Variants in OPRK1 observed in about 807,000 individuals in gnomAD.
OPRK1 encodes opioid receptor kappa 1.
Under a neutral mutation model 24.5 loss-of-function variants are expected in OPRK1, and 15 were observed. That is an observed-to-expected ratio of 0.61 (90% CI 0.41 to 0.94). OPRK1 has a LOEUF of 0.94. OPRK1 is among the 40% of genes least tolerant of loss of function. OPRK1 has a pLI of 0.00. For synonymous variants in OPRK1, 205 were observed against 198.0 expected (o/e 1.04, Z -0.30); for missense variants, 479 against 507.3 (o/e 0.94, Z 0.54).
chr8:53,234,125 A>G (rs1806924443), intron 3 of OPRK1, among the ~76,000 whole-genome samples: 1 of 145,718 alleles, frequency 6.9e-6, no homozygotes, highest in Non-Finnish European at 1.5e-5. Context: ...CAGAGGTTGC[A>G]GTGAGCCGAT....
chr8:53,229,333 G>GTAAGCA lies in OPRK1; in HGVS notation c.1101_1106dup (p.Ala368_Tyr369dup). ...TATTCATCCCATCGATGTCCCTCAG[G>GTAAGCA]TAAGCAGGATCCTGAACTGTATTTC... On this transcript the variant is annotated inframe_insertion, in exon 4 of 4. Transcript: ENST00000265572. 1.2e-6 allele frequency: 2 copies of GTAAGCA among 1,614,140 alleles called. No individual in the cohort carries two copies. Among genetic ancestry groups the GTAAGCA allele is most frequent in the Non-Finnish European group, 1.7e-6 (2 of 1,180,012 alleles).
chr8:53,234,534 G>T (rs934854676), intron 3 of OPRK1, among the ~76,000 whole-genome samples: 1 of 152,144 alleles, frequency 6.6e-6, no homozygotes, highest in African/African-American at 2.4e-5. Context: ...TGGGAGACAG[G>T]TCGGGCATCT....
chr8:53,229,251 ACTC>A lies in OPRK1; in HGVS notation c.*43_*45del, dbSNP rs1806790380. The A allele has an allele frequency of 1.3e-6, 2 of 1,568,948 alleles. No homozygotes were observed. Among genetic ancestry groups the A allele is most frequent in the Non-Finnish European group, 1.7e-6 (2 of 1,156,764 alleles). ...ATCTGAGTTAAACCTAGATCATTGA[ACTC>A]CTCTCTTCCCGAAGAACTGTACGAA... On this transcript the variant is annotated 3_prime_UTR_variant, in exon 4 of 4. Transcript: ENST00000265572.
intron 3 of OPRK1, among the ~76,000 whole-genome samples, chr8:53,232,711 G>T (rs959104098): frequency 6.6e-6 from 1 of 152,106 alleles, no homozygotes; most frequent in Non-Finnish European, 1.5e-5. Flanking sequence ...GGCTTCTGCT[G>T]GCTCCTGTTC....
intron 2 of OPRK1, among the ~76,000 whole-genome samples, chr8:53,243,662 T>G (rs1807166253): frequency 6.6e-6 from 1 of 152,228 alleles, no homozygotes; most frequent in Non-Finnish European, 1.5e-5. Context: ...GCAGTTGCAA[T>G]TCTCTCTTTC....
rs371712474 is a variant in OPRK1, at chr8:53,250,769, C to A, written c.257+12G>T. ...CGCCCAGCCCCCAGCGCTGCGCTGT[C>A]CCCGCGCTCACCGGATGATCACGAA... On this transcript the variant is annotated intron_variant, in intron 2 of 3. Transcript: ENST00000265572. 6.3e-7 allele frequency: 1 copy of A among 1,599,028 alleles called. No homozygotes were observed. The highest frequency in any genetic ancestry group is 8.5e-7 in the Non-Finnish European group (1 of 1,171,672).
chr8:53,245,845 T>C lies in OPRK1; in HGVS notation c.257+4936A>G, dbSNP rs1225828951. ...GCAAGGGAGACCATCCTATGTAATCTGAAAATGGGGCCTGATCCAATCAGT... is the reference window on the plus strand; with the variant it reads ...GCAAGGGAGACCATCCTATGTAATCCGAAAATGGGGCCTGATCCAATCAGT... On this transcript the variant is annotated intron_variant, in intron 2 of 3. Coordinates refer to ENST00000265572, the MANE Select transcript of OPRK1 (RefSeq NM_000912.5). Among the ~76,000 whole-genome samples the C allele has an allele frequency of 2.0e-5, 3 of 152,250 alleles. No homozygotes were observed. In the East Asian group the frequency reaches 5.8e-4, roughly 29 times the overall value.
chr8:53,239,108 G>T (rs1313665904), intron 2 of OPRK1, among the ~76,000 whole-genome samples: 1 of 152,022 alleles, frequency 6.6e-6, no homozygotes, highest in South Asian at 2.1e-4. Flanking sequence ...GTTATTCTGG[G>T]TCTTCTCTTG....
chr8:53,251,302 C>A (rs1345963807), intron 1 of OPRK1, 146 bp downstream of exon 1: 4 of 524,766 alleles, frequency 7.6e-6, no homozygotes, highest in Non-Finnish European at 1.3e-5. Context: ...CTCCCCCAGC[C>A]CCTGAGGTGC....
intron 2 of OPRK1, among the ~76,000 whole-genome samples, chr8:53,240,039 A>G (rs1038061119): frequency 2.0e-5 from 3 of 152,232 alleles, no homozygotes; most frequent in Non-Finnish European, 2.9e-5. Context: ...ACGGTCAAGT[A>G]TGCATCATGA....
At chr8:53,238,600 C>T in intron 2 of OPRK1, 2 of 985,472 alleles carry the variant, frequency 2.0e-6, no homozygotes, top group Non-Finnish European at 2.4e-6. Flanking sequence ...CTTAGAAATG[C>T]TCCCCAGTGA....
intron 2 of OPRK1, among the ~76,000 whole-genome samples, chr8:53,239,821 C>T (rs1488302370): frequency 1.3e-5 from 2 of 152,224 alleles, no homozygotes; most frequent in Non-Finnish European, 2.9e-5. Flanking sequence ...TAAGATATCA[C>T]TGCCCCTACT....
At chr8:53,247,473 A>G (rs1451481791) in intron 2 of OPRK1, among the ~76,000 whole-genome samples, 1 of 152,216 alleles carries the variant, frequency 6.6e-6, no homozygotes, top group Non-Finnish European at 1.5e-5. Context: ...CCTGCTTGAC[A>G]CATATTAAGT....
At chr8:53,250,683 C>G in intron 2 of OPRK1, 98 bp downstream of exon 2, 1 of 1,283,522 alleles carries the variant, frequency 7.8e-7, no homozygotes, top group Non-Finnish European at 1.1e-6. Context: ...GAGTCCCCAC[C>G]ACCTGGCTGG....
intron 2 of OPRK1, among the ~76,000 whole-genome samples, chr8:53,242,103 G>A (rs1807128420): frequency 2.0e-5 from 3 of 152,208 alleles, no homozygotes; most frequent in Admixed American, 1.3e-4. Context: ...AGCGGTATAT[G>A]GATACTTAAA....
chr8:53,235,950 G>T (rs973251991), intron 2 of OPRK1, among the ~76,000 whole-genome samples: 11 of 152,130 alleles, frequency 7.2e-5, no homozygotes, highest in Non-Finnish European at 1.5e-4. Context: ...GGGTTGTTTT[G>T]CTTAGAGAAT....
chr8:53,239,147 C>A (rs1337242615), intron 2 of OPRK1, among the ~76,000 whole-genome samples: 2 of 152,098 alleles, frequency 1.3e-5, no homozygotes, highest in Non-Finnish European at 2.9e-5. Context: ...ACGCATGCAC[C>A]CTCTCTTCCC....
chr8:53,240,858 C>T (rs1449892874), intron 2 of OPRK1, among the ~76,000 whole-genome samples: 1 of 152,172 alleles, frequency 6.6e-6, no homozygotes, highest in Non-Finnish European at 1.5e-5. Context: ...ACACACCATA[C>T]ATGCACAAAA....
At chr8:53,241,827 C>T (rs959971399) in intron 2 of OPRK1, among the ~76,000 whole-genome samples, 4 of 152,194 alleles carry the variant, frequency 2.6e-5, no homozygotes, top group Non-Finnish European at 5.9e-5. Context: ...GCTACCCATG[C>T]AGAGTGGCAG....
Sources: gnomAD v4.1 joint callset for allele counts (sites outside exome capture counted in the v4.1 genomes callset) on GRCh38, gnomAD v4.1.1 for gene constraint, MANE v1.5 for transcripts, NCBI Gene and HGNC (gene_info 2026-07-23, HGNC 2026-07-21) for gene names.